Variants in RAB32 observed in about 807,000 individuals in gnomAD.
The protein encoded by RAB32 is ras-related protein Rab-32.
A neutral mutation model predicts 17.5 loss-of-function variants in RAB32; 17 were observed. The observed-to-expected ratio is 0.97, with a 90% CI of 0.67 to 1.46. The LOEUF (loss-of-function observed/expected upper bound fraction) is 1.46, where lower values mean the gene tolerates loss of function less well. Ranked by LOEUF, RAB32 falls within the 40% of genes most tolerant of loss-of-function variation. RAB32 has a pLI of 0.00. For missense variants in RAB32, 288 were observed against 284.3 expected (o/e 1.01, Z -0.09); for synonymous variants, 115 against 111.1 (o/e 1.04, Z -0.22).
At chr6:146,550,742 C>A (rs1779887330) in intron 2 of RAB32, among the ~76,000 whole-genome samples, 1 of 146,566 alleles carries the variant, frequency 6.8e-6, no homozygotes, top group African/African-American at 2.6e-5. Flanking sequence ...GGGTTACGTG[C>A]ATTGGAACTT....
At chr6:146,548,164 T>G (rs2114783427) in intron 1 of RAB32, among the ~76,000 whole-genome samples, 1 of 152,144 alleles carries the variant, frequency 6.6e-6, no homozygotes, top group South Asian at 2.1e-4. Flanking sequence ...AATAGTAGGG[T>G]TTCATATGTG....
chr6:146,544,109 TGGG>T lies in RAB32; in HGVS notation c.239_241del (p.Trp80_Asp81delinsTyr). The T allele has an allele frequency of 6.2e-7, 1 of 1,611,432 alleles. No homozygotes were observed. Among genetic ancestry groups the T allele is most frequent in the Non-Finnish European group, 8.5e-7 (1 of 1,178,740 alleles). On this transcript the variant is annotated inframe_deletion, in exon 1 of 3. Transcript: ENST00000367495. ...CAGGACTCTGGTGCGCCTGCAGCTG[TGGG>T]ACATCGCGGGTAAGCGCGGCCGCGA... is the stretch of plus-strand genomic sequence containing the variant.
chr6:146,548,009 T>A (rs1481873931), intron 1 of RAB32, among the ~76,000 whole-genome samples: 2 of 152,084 alleles, frequency 1.3e-5, no homozygotes, highest in Non-Finnish European at 2.9e-5. Context: ...GAAATTGGAG[T>A]CTGAATCATT....
intron 2 of RAB32, 62 bp from the exon 3 acceptor site, chr6:146,554,394 T>C: frequency 1.3e-6 from 2 of 1,531,328 alleles, no homozygotes; most frequent in Non-Finnish European, 1.8e-6. Context: ...TTCATACTCT[T>C]AATGCCTTAT....
At chr6:146,553,868 A>T (rs1491000573) in intron 2 of RAB32, among the ~76,000 whole-genome samples, 1 of 152,226 alleles carries the variant, frequency 6.6e-6, no homozygotes, top group African/African-American at 2.4e-5. Context: ...TACCTACTGT[A>T]TATTTAATGA....
intron 2 of RAB32, among the ~76,000 whole-genome samples, chr6:146,553,943 A>T (rs1164043580): frequency 6.6e-6 from 1 of 152,198 alleles, no homozygotes; most frequent in East Asian, 1.9e-4. Context: ...TCCTTAATGG[A>T]CATTGCACTG....
chr6:146,550,874 T>C (rs1197393655), intron 2 of RAB32, among the ~76,000 whole-genome samples: 1 of 152,118 alleles, frequency 6.6e-6, no homozygotes, highest in Non-Finnish European at 1.5e-5. Context: ...AGTTCTAGCT[T>C]TTAGTTTATG....
chr6:146,544,323 G>A (rs968713061), intron 1 of RAB32, among the ~76,000 whole-genome samples: 16 of 152,186 alleles, frequency 1.1e-4, no homozygotes, highest in Non-Finnish European at 2.9e-5. Flanking sequence ...GGCAGTAGGA[G>A]TTGGAGCAGG....
chr6:146,545,234 G>A (rs1449008718), intron 1 of RAB32, among the ~76,000 whole-genome samples: 2 of 150,794 alleles, frequency 1.3e-5, no homozygotes, highest in Non-Finnish European at 2.9e-5. Flanking sequence ...TCTCACTGCT[G>A]TACTCCAGCC....
At chr6:146,552,718 T>A (rs1345005717) in intron 2 of RAB32, among the ~76,000 whole-genome samples, 2 of 152,186 alleles carry the variant, frequency 1.3e-5, no homozygotes, top group African/African-American at 4.8e-5. Context: ...CAGAACCAAT[T>A]AACTTACCTC....
At chr6:146,546,916 G>A (rs1189721712) in intron 1 of RAB32, among the ~76,000 whole-genome samples, 1 of 151,170 alleles carries the variant, frequency 6.6e-6, no homozygotes, top group African/African-American at 2.4e-5. Context: ...TACACATGTA[G>A]CTAAGCAGAT....
rs774522158 is a variant in RAB32, at chr6:146,544,165, C to G, written c.250+44C>G. 3.2e-6 allele frequency: 5 copies of G among 1,558,398 alleles called. No individual in the cohort carries two copies. In the African/African-American group the frequency reaches 6.9e-5, roughly 21 times the overall value. ...TTCCCACTCCAGAGCCCCGCCGGGC[C>G]GCCTGGCTCCTCTCTGCTTCTTTTC... On this transcript the variant is annotated intron_variant, in intron 1 of 2. Transcript: ENST00000367495.
At chr6:146,546,995 A>G (rs561875539) in intron 1 of RAB32, among the ~76,000 whole-genome samples, 1 of 152,228 alleles carries the variant, frequency 6.6e-6, no homozygotes, top group South Asian at 2.1e-4. Context: ...TACGGCATTG[A>G]AGGAATCTGG....
rs1040944928 is a variant in RAB32, at chr6:146,549,466, C to T, written c.253C>T (p.Gln85Ter). ...VRLQLWDIAG[Q>*]ERFGNMTRVY... Reference sequence around the variant, plus strand: ...TTTTTTCTTATATTTATGTCTAGGGCAGGAGCGATTTGGCAACATGACCCG... The same window carrying T: ...TTTTTTCTTATATTTATGTCTAGGGTAGGAGCGATTTGGCAACATGACCCG... Residue 85 changes from glutamine to a stop codon, truncating the protein, a stop_gained and splice_region_variant, in exon 2 of 3, where the codon CAG (glutamine) becomes TAG (stop). Transcript: ENST00000367495. LOFTEE classifies it high-confidence loss of function. 6 of 1,612,756 alleles carry T rather than the reference C, an allele frequency of 3.7e-6. No individual in the cohort carries two copies. Among genetic ancestry groups the T allele is most frequent in the Middle Eastern group, 1.7e-4 (1 of 5,952 alleles).
chr6:146,549,171 G>A (rs73586079), intron 1 of RAB32, among the ~76,000 whole-genome samples: 1,893 of 152,260 alleles, frequency 0.012, 31 homozygotes, highest in African/African-American at 0.043. Context: ...AAGGGGAGAC[G>A]AGTCGGAATA....
intron 1 of RAB32, 53 bp downstream of exon 1, chr6:146,544,174 C>A (rs2114780280): frequency 6.5e-7 from 1 of 1,536,932 alleles, no homozygotes; most frequent in Non-Finnish European, 8.8e-7. Flanking sequence ...CCGCCTGGCT[C>A]CTCTCTGCTT....
intron 2 of RAB32, among the ~76,000 whole-genome samples, chr6:146,550,728 G>GC (rs149439501): frequency 6.7e-6 from 1 of 149,150 alleles, no homozygotes; most frequent in African/African-American, 2.5e-5. Context: ...AATGTTTGGG[G>GC]GGGGGGTTAC....
intron 1 of RAB32, among the ~76,000 whole-genome samples, chr6:146,549,064 T>C (rs1438650542): frequency 6.6e-6 from 1 of 152,216 alleles, no homozygotes; most frequent in Non-Finnish European, 1.5e-5. Context: ...CCACTGCACT[T>C]ATCTCCTTCC....
At chr6:146,553,141 T>C (rs1301262208) in intron 2 of RAB32, among the ~76,000 whole-genome samples, 1 of 152,224 alleles carries the variant, frequency 6.6e-6, no homozygotes. Context: ...TATGTATACA[T>C]GTGTGGAACC....
Sources: gnomAD v4.1 joint callset for allele counts (sites outside exome capture counted in the v4.1 genomes callset) on GRCh38, gnomAD v4.1.1 for gene constraint, MANE v1.5 for transcripts, NCBI Gene and HGNC (gene_info 2026-07-23, HGNC 2026-07-21) for gene names.